The following THOC2 variants were observed in gnomAD, a reference collection of about 807,000 sequenced individuals.
THOC2 encodes the protein THO complex subunit 2, also known as THO complex 2.
In THOC2, 10 loss-of-function variants were observed where a neutral mutation model predicts 128.4. That is an observed-to-expected ratio of 0.08 (90% CI 0.05 to 0.13). THOC2 has a LOEUF of 0.13. Ranked by LOEUF, THOC2 falls within the 10% of genes least tolerant of loss-of-function variation. THOC2 has a pLI of 1.00. For missense variants in THOC2, 535 were observed against 1,155.7 expected (o/e 0.46, Z 7.79); for synonymous variants, 393 against 396.9 (o/e 0.99, Z 0.12).
intron 15 of THOC2, among the ~76,000 whole-genome samples, chrX:123,644,371 C>G (rs2048043591): frequency 9.0e-6 from 1 of 111,726 alleles, no homozygotes; most frequent in South Asian, 3.7e-4. Flanking sequence ...TATGTAAACA[C>G]AACAACTATG....
At chrX:123,647,840 CAA>C (rs60123342) in intron 12 of THOC2, among the ~76,000 whole-genome samples, 978 of 37,514 alleles carry the variant, frequency 0.026, 12 homozygotes, top group African/African-American at 0.094. Context: ...GACTCTGTCT[CAA>C]AAAAAAAAAA....
At chrX:123,683,097 A>T (rs1018761805) in intron 8 of THOC2, among the ~76,000 whole-genome samples, 3 of 110,846 alleles carry the variant, frequency 2.7e-5, no homozygotes, top group Non-Finnish European at 5.7e-5. Context: ...AGATTTTGGA[A>T]TTTTTTTTCA....
chrX:123,661,801 T>C (rs2147783992), intron 12 of THOC2, among the ~76,000 whole-genome samples: 1 of 111,812 alleles, frequency 8.9e-6, no homozygotes, highest in Non-Finnish European at 1.9e-5. Context: ...ACAACCTACC[T>C]AGGCAACATA....
intron 9 of THOC2, among the ~76,000 whole-genome samples, chrX:123,669,794 G>A (rs1037011803): frequency 8.9e-5 from 10 of 111,734 alleles, no homozygotes; most frequent in Admixed American, 8.6e-4. Flanking sequence ...GAAGTAGCCC[G>A]CTTTATCTCC....
At chrX:123,714,097 T>C (rs1380123111) in intron 1 of THOC2, among the ~76,000 whole-genome samples, 1 of 111,412 alleles carries the variant, frequency 9.0e-6, no homozygotes, top group Admixed American at 9.6e-5. Context: ...TAATAAAATA[T>C]AAAGGAAGAG....
chrX:123,625,456 GCATATGAC>G (rs1256739685), intron 25 of THOC2, among the ~76,000 whole-genome samples: 2 of 110,974 alleles, frequency 1.8e-5, no homozygotes, highest in Non-Finnish European at 3.8e-5. Context: ...TGCAAAATGT[GCATATGAC>G]CATACTGAAA....
At chrX:123,630,059 T>C (rs890975206) in intron 22 of THOC2, among the ~76,000 whole-genome samples, 6 of 111,947 alleles carry the variant, frequency 5.4e-5, no homozygotes, top group African/African-American at 1.3e-4. Flanking sequence ...GTGATTTCTA[T>C]TGCTAGGAAC....
chrX:123,650,143 G>T (rs1286405642), intron 12 of THOC2, among the ~76,000 whole-genome samples: 6 of 111,596 alleles, frequency 5.4e-5, no homozygotes, highest in African/African-American at 9.8e-5. Flanking sequence ...AGAGATTGGG[G>T]GCTAAAAATA....
At chrX:123,605,357 C>A in intron 38 of THOC2, among the ~76,000 whole-genome samples, 1 of 111,810 alleles carries the variant, frequency 8.9e-6, no homozygotes, top group African/African-American at 3.3e-5. Flanking sequence ...TTCAACTTTT[C>A]ATGCCTATGA....
At chrX:123,645,275 G>T in intron 13 of THOC2, 59 bp downstream of exon 13, 1 of 824,848 alleles carries the variant, frequency 1.2e-6, no homozygotes, top group Admixed American at 3.4e-5. Context: ...AGTAAAATTT[G>T]TAATATACTG....
intron 20 of THOC2, among the ~76,000 whole-genome samples, chrX:123,633,282 T>C (rs2047552356): frequency 8.9e-6 from 1 of 112,286 alleles, no homozygotes; most frequent in African/African-American, 3.2e-5. Flanking sequence ...AGTCCCCTCA[T>C]AAAGGATTAT....
At chrX:123,633,471 T>C (rs1039208604) in intron 20 of THOC2, among the ~76,000 whole-genome samples, 1 of 111,761 alleles carries the variant, frequency 8.9e-6, no homozygotes, top group Non-Finnish European at 1.9e-5. Flanking sequence ...GGCGAGATCT[T>C]GGCTCACTGC....
intron 8 of THOC2, among the ~76,000 whole-genome samples, chrX:123,676,527 G>T (rs1364461710): frequency 8.9e-6 from 1 of 112,142 alleles, no homozygotes; most frequent in Non-Finnish European, 1.9e-5. Context: ...AAGGACTGGG[G>T]AAGAATAAGA....
At chrX:123,686,368 C>A in intron 8 of THOC2, among the ~76,000 whole-genome samples, 180 bp downstream of exon 8, 1 of 112,354 alleles carries the variant, frequency 8.9e-6, no homozygotes. Flanking sequence ...TTTCACATCA[C>A]ATCATTCATA....
At chrX:123,616,666 G>C (rs1569326432) in intron 33 of THOC2, among the ~76,000 whole-genome samples, 2 of 105,350 alleles carry the variant, frequency 1.9e-5, no homozygotes, top group African/African-American at 6.9e-5. Context: ...AATGGAACCT[G>C]TTTTTTGTTT....
chrX:123,725,075 C>G (rs1021537015), intron 1 of THOC2, among the ~76,000 whole-genome samples: 16 of 111,790 alleles, frequency 1.4e-4, no homozygotes, highest in Non-Finnish European at 1.5e-4. Flanking sequence ...CCAGCCTGCA[C>G]TCCAGGGTGA....
rs886818667 is a variant in THOC2 at position 123,687,825 on chromosome X, G to C, written c.602-1111C>G. Among the ~76,000 whole-genome samples the C allele has an allele frequency of 6.3e-5, 7 of 111,640 alleles. No individual in the cohort carries two copies. In the East Asian group the frequency reaches 1.9e-3, roughly 31 times the overall value. On this transcript the variant is annotated intron_variant, in intron 7 of 38. Transcript: ENST00000245838. Reference sequence around the variant, plus strand: ...CTTCCGCTTCTCAAACTAAGGAAAAGAAGGACTAAAGCAGTGATCATGTCT... The same window carrying C: ...CTTCCGCTTCTCAAACTAAGGAAAACAAGGACTAAAGCAGTGATCATGTCT...
chrX:123,703,659 G>A (rs1338309075), intron 3 of THOC2, among the ~76,000 whole-genome samples, 154 bp from the exon 4 acceptor site: 1 of 101,505 alleles, frequency 9.9e-6, no homozygotes, highest in African/African-American at 3.6e-5. Context: ...AGGCCGAGGA[G>A]GGCAGATGAC....
At chrX:123,603,500 A>AATGT in intron 38 of THOC2, 1 of 590,772 alleles carries the variant, frequency 1.7e-6, no homozygotes, top group Non-Finnish European at 2.8e-6. Flanking sequence ...TCGAGTAAAA[A>AATGT]ATGTATACAC....
Sources: allele counts gnomAD v4.1 joint callset (sites outside exome capture counted in the v4.1 genomes callset), GRCh38; gene constraint gnomAD v4.1.1; transcripts MANE v1.5; gene names NCBI Gene and HGNC (gene_info 2026-07-23, HGNC 2026-07-21).